Variants in ARHGEF6 observed in about 807,000 individuals in gnomAD.
ARHGEF6 encodes the protein Rac/Cdc42 guanine nucleotide exchange factor 6.
ARHGEF6 carries 9 observed loss-of-function variants against 70.3 expected under a neutral mutation model. That is an observed-to-expected ratio of 0.13 (90% CI 0.08 to 0.22). The LOEUF (loss-of-function observed/expected upper bound fraction) is 0.22, where lower values mean the gene tolerates loss of function less well. Among genes scored for constraint, ARHGEF6 ranks in the 10% least tolerant of loss-of-function variants. ARHGEF6 has a pLI of 1.00. For missense variants in ARHGEF6, 470 were observed against 563.0 expected, an observed-to-expected ratio of 0.83 and a Z score of 1.67; for synonymous variants, 201 against 207.8, an observed-to-expected ratio of 0.97 and a Z score of 0.28.
At chrX:136,738,448 CATGTTAGGCAT>C (rs760139885) in intron 5 of ARHGEF6, among the ~76,000 whole-genome samples, 2 of 112,118 alleles carry the variant, frequency 1.8e-5, no homozygotes, top group Admixed American at 1.9e-4. Context: ...TCTAAAGCAC[CATGTTAGGCAT>C]ATGAAGACAA....
At chrX:136,694,728 G>A (rs921004613) in intron 9 of ARHGEF6, among the ~76,000 whole-genome samples, 2 of 111,767 alleles carry the variant, frequency 1.8e-5, no homozygotes, top group Non-Finnish European at 3.8e-5. Context: ...TTATTCCCAG[G>A]AAGAAACAGG....
At chrX:136,668,533 C>CTTCTTCTTATTATTATTA (rs61661248) in intron 21 of ARHGEF6, among the ~76,000 whole-genome samples, 5 of 98,464 alleles carry the variant, frequency 5.1e-5, no homozygotes, top group African/African-American at 1.9e-4. Context: ...TCTTCTTCTT[C>CTTCTTCTTATTATTATTA]TTATTATTAT....
chrX:136,675,094 T>C lies in ARHGEF6; in HGVS notation c.1948A>G (p.Thr650Ala). 1 of 1,206,571 alleles carries C rather than the reference T, an allele frequency of 8.3e-7. No individual in the cohort carries two copies. Among genetic ancestry groups the C allele is most frequent in the Non-Finnish European group, 1.1e-6 (1 of 890,800 alleles). ...TGAGCATCCTCTTCCAGAGCAGCTGTACCTGTGAAATTTAATTCATCATGA... is the reference window on the plus strand; with the variant it reads ...TGAGCATCCTCTTCCAGAGCAGCTGCACCTGTGAAATTTAATTCATCATGA... Reference protein sequence around the residue: ...SEEEYVIRKSTAALEEDAQIL... With the variant: ...SEEEYVIRKSAAALEEDAQIL... Residue 650 changes from threonine (T) to alanine (A), a missense_variant and splice_region_variant, in exon 19 of 22, where the codon ACA becomes GCA. Physicochemically the swap from Thr to Ala is moderately conservative, Grantham distance 58. Transcript: ENST00000250617.
chrX:136,679,433 T>C, intron 16 of ARHGEF6, 102 bp downstream of exon 16: 2 of 1,001,193 alleles, frequency 2.0e-6, no homozygotes, highest in Non-Finnish European at 2.8e-6. Context: ...ACTCACATAA[T>C]ACCATCTATC....
At chrX:136,692,196 T>C (rs1283116343) in intron 9 of ARHGEF6, among the ~76,000 whole-genome samples, 3 of 111,787 alleles carry the variant, frequency 2.7e-5, no homozygotes, top group African/African-American at 9.8e-5. Context: ...ATGGCTGCCT[T>C]AATGGAGTCT....
chrX:136,682,908 T>C, intron 12 of ARHGEF6, 64 bp from the exon 13 acceptor site: 1 of 888,314 alleles, frequency 1.1e-6, no homozygotes, highest in Non-Finnish European at 1.7e-6. Context: ...TGAGAATTTC[T>C]GGAATCACTG....
chrX:136,723,088 G>A (rs1463072410), intron 6 of ARHGEF6, among the ~76,000 whole-genome samples: 1 of 112,357 alleles, frequency 8.9e-6, no homozygotes, highest in Non-Finnish European at 1.9e-5. Flanking sequence ...AAAACTTCCA[G>A]AATAGGCAAA....
chrX:136,735,525 T>G (rs2076976875), intron 5 of ARHGEF6, among the ~76,000 whole-genome samples: 2 of 110,830 alleles, frequency 1.8e-5, no homozygotes, highest in South Asian at 7.7e-4. Flanking sequence ...ATGTAAACAT[T>G]TTAGGTGGTG....
At chrX:136,698,340 G>GA (rs1357650543) in intron 9 of ARHGEF6, among the ~76,000 whole-genome samples, 1 of 111,103 alleles carries the variant, frequency 9.0e-6, no homozygotes, top group Admixed American at 9.6e-5. Flanking sequence ...GAATGGAGCA[G>GA]AAAAAATATG....
intron 2 of ARHGEF6, among the ~76,000 whole-genome samples, chrX:136,774,402 G>A (rs2077386227): frequency 1.8e-5 from 2 of 110,349 alleles, no homozygotes; most frequent in Non-Finnish European, 3.8e-5. Context: ...TGTAATCCCA[G>A]CATTTTGGGA....
At chrX:136,727,213 A>G (rs1194571107) in intron 6 of ARHGEF6, among the ~76,000 whole-genome samples, 1 of 111,726 alleles carries the variant, frequency 9.0e-6, no homozygotes, top group African/African-American at 3.3e-5. Flanking sequence ...GTGGTTAAGG[A>G]AGGAGTGGGA....
intron 2 of ARHGEF6, among the ~76,000 whole-genome samples, chrX:136,750,502 A>G (rs922833225): frequency 2.7e-5 from 3 of 111,642 alleles, no homozygotes; most frequent in Admixed American, 9.5e-5. Context: ...TTTGGTGCAC[A>G]AAAAGCCAGT....
Position 136,668,003 on chromosome X carries a change from C to T in ARHGEF6, c.*26G>A. On this transcript the variant is annotated 3_prime_UTR_variant, in exon 22 of 22. Transcript: ENST00000250617. ...GACATTTCAAGATGCCCTGAAGGCA[C>T]ACTCCACCCAGTGGCACAGTGATGG... 3 of 1,210,974 alleles carry T rather than the reference C, an allele frequency of 2.5e-6. No individual in the cohort carries two copies. The highest frequency in any genetic ancestry group is 3.5e-5 in the South Asian group (2 of 56,944).
intron 2 of ARHGEF6, among the ~76,000 whole-genome samples, chrX:136,758,081 C>T (rs1473401846): frequency 1.9e-5 from 1 of 52,565 alleles, no homozygotes; most frequent in Non-Finnish European, 3.0e-5. Context: ...GACGGAGTCT[C>T]GCTCTGTCGC....
chrX:136,762,768 A>G (rs1276049229), intron 2 of ARHGEF6, among the ~76,000 whole-genome samples: 1 of 112,379 alleles, frequency 8.9e-6, no homozygotes, highest in Non-Finnish European at 1.9e-5. Context: ...CTAGGATTAT[A>G]GGCGTGAGCC....
chrX:136,717,116 A>C (rs1420549971), intron 6 of ARHGEF6, among the ~76,000 whole-genome samples: 1 of 112,201 alleles, frequency 8.9e-6, no homozygotes, highest in Non-Finnish European at 1.9e-5. Context: ...CAGATCCAGG[A>C]AGCTCAGAGA....
chrX:136,765,536 C>T (rs112843725), intron 2 of ARHGEF6, among the ~76,000 whole-genome samples: 4 of 112,259 alleles, frequency 3.6e-5, no homozygotes, highest in African/African-American at 1.3e-4. Flanking sequence ...TGTCCTTACC[C>T]CTAAGAACAG....
intron 6 of ARHGEF6, among the ~76,000 whole-genome samples, chrX:136,725,354 T>C (rs913056148): frequency 9.5e-6 from 1 of 105,376 alleles, no homozygotes; most frequent in African/African-American, 3.7e-5. Flanking sequence ...AGTCTTTTTA[T>C]CAAATTATGC....
At chrX:136,709,468 A>G (rs1333720670) in intron 7 of ARHGEF6, among the ~76,000 whole-genome samples, 1 of 112,803 alleles carries the variant, frequency 8.9e-6, no homozygotes, top group Non-Finnish European at 1.9e-5. Flanking sequence ...TAACCTTACA[A>G]TAACTCTTTA....
Sources: allele counts gnomAD v4.1 joint callset (sites outside exome capture counted in the v4.1 genomes callset), GRCh38; gene constraint gnomAD v4.1.1; transcripts MANE v1.5; gene names NCBI Gene and HGNC (gene_info 2026-07-23, HGNC 2026-07-21).